CEP112: variants seen among roughly 807,000 people sequenced by gnomAD.
CEP112 encodes the protein centrosomal protein of 112 kDa.
In CEP112, 127 loss-of-function variants were observed where a neutral mutation model predicts 153.0. The observed-to-expected ratio is 0.83, with a 90% CI of 0.72 to 0.96. CEP112 has a LOEUF of 0.96. Among genes scored for constraint, CEP112 ranks in the 40% least tolerant of loss-of-function variants. The pLI is 0.00. For missense variants in CEP112, 1,089 were observed against 1,101.2 expected (o/e 0.99, Z 0.16); for synonymous variants, 358 against 374.4 (o/e 0.96, Z 0.51).
chr17:66,080,214 G>A (rs2067662886), intron 8 of CEP112, among the ~76,000 whole-genome samples: 1 of 152,070 alleles, frequency 6.6e-6, no homozygotes, highest in Non-Finnish European at 1.5e-5. Flanking sequence ...TCATCGGAGT[G>A]AACAGGCAAC....
intron 8 of CEP112, among the ~76,000 whole-genome samples, chr17:66,084,601 C>A (rs1415865748): frequency 6.6e-6 from 1 of 151,600 alleles, no homozygotes. Flanking sequence ...TTTGTGGGAG[C>A]TAAAAATTAA....
intron 1 of CEP112, among the ~76,000 whole-genome samples, chr17:66,189,631 A>G (rs2073087970): frequency 1.3e-5 from 2 of 152,240 alleles, no homozygotes; most frequent in Non-Finnish European, 2.9e-5. Flanking sequence ...AAAACTAAAA[A>G]TCTGCTTCTT....
chr17:65,658,138 C>A (rs1053044000), intron 24 of CEP112, among the ~76,000 whole-genome samples: 1 of 152,230 alleles, frequency 6.6e-6, no homozygotes, highest in African/African-American at 2.4e-5. Context: ...ATTATCTACT[C>A]ACTCCATAGA....
At chr17:66,085,125 A>G (rs1212482884) in intron 8 of CEP112, among the ~76,000 whole-genome samples, 1 of 152,218 alleles carries the variant, frequency 6.6e-6, no homozygotes, top group African/African-American at 2.4e-5. Context: ...ATGGAAAAAG[A>G]GGCATTCTCT....
At chr17:65,680,926 G>T (rs1227304304) in intron 24 of CEP112, among the ~76,000 whole-genome samples, 2 of 152,090 alleles carry the variant, frequency 1.3e-5, no homozygotes, top group East Asian at 3.9e-4. Flanking sequence ...AACAGCATGG[G>T]GGAAACTGCC....
intron 17 of CEP112, among the ~76,000 whole-genome samples, chr17:65,978,985 A>G (rs931882870): frequency 1.3e-5 from 2 of 152,154 alleles, no homozygotes; most frequent in African/African-American, 4.8e-5. Context: ...GTAACCACAC[A>G]TTGCTCTCTT....
At chr17:65,836,959 C>T (rs537513122) in intron 21 of CEP112, among the ~76,000 whole-genome samples, 2 of 152,204 alleles carry the variant, frequency 1.3e-5, no homozygotes, top group Admixed American at 6.5e-5. Flanking sequence ...CGCGCCGCCA[C>T]GCCTGACTGG....
intron 18 of CEP112, among the ~76,000 whole-genome samples, chr17:65,929,666 C>T (rs1234727206): frequency 6.6e-6 from 1 of 152,136 alleles, no homozygotes; most frequent in Non-Finnish European, 1.5e-5. Flanking sequence ...AGTGTAATGT[C>T]ACCCCATGTT....
At chr17:66,096,563 G>C (rs780992156) in intron 7 of CEP112, 22 bp downstream of exon 7, 4 of 1,543,808 alleles carry the variant, frequency 2.6e-6, no homozygotes, top group Non-Finnish European at 3.6e-6. Flanking sequence ...CCTAGAAAAA[G>C]TCCAATGGAT....
intron 17 of CEP112, among the ~76,000 whole-genome samples, chr17:65,986,213 A>G (rs927416108): frequency 6.6e-6 from 1 of 152,164 alleles, no homozygotes; most frequent in African/African-American, 2.4e-5. Context: ...AATAACTCAG[A>G]TAAACAGAAA....
At chr17:65,831,215 T>A (rs1432820900) in intron 21 of CEP112, among the ~76,000 whole-genome samples, 1 of 152,192 alleles carries the variant, frequency 6.6e-6, no homozygotes, top group Non-Finnish European at 1.5e-5. Context: ...TCAGAAGAGC[T>A]GACAAACTGT....
chr17:65,728,112 T>C (rs2050285574), intron 23 of CEP112, among the ~76,000 whole-genome samples: 1 of 152,228 alleles, frequency 6.6e-6, no homozygotes, highest in South Asian at 2.1e-4. Flanking sequence ...AAAAGCTAAA[T>C]AGCTTCAACT....
At position 66,096,578 on chromosome 17, in the gene CEP112, C is replaced by T. The variant is rs553241147; in HGVS notation, c.690+7G>A. On this transcript the variant is annotated splice_region_variant and intron_variant, in intron 7 of 26. Coordinates refer to ENST00000535342, the MANE Select transcript of CEP112 (RefSeq NM_001199165.4). ...CCTAGAAAAAGTCCAATGGATTTCT[C>T]ACATACCAGAGAAACTGGGATAGGC... is the stretch of plus-strand genomic sequence containing the variant. 2.5e-5 allele frequency: 39 copies of T among 1,583,092 alleles called. No homozygotes were observed. In the East Asian group the frequency reaches 8.7e-4, roughly 35 times the overall value.
intron 12 of CEP112, among the ~76,000 whole-genome samples, chr17:66,042,501 A>C (rs1308229388): frequency 6.6e-6 from 1 of 152,152 alleles, no homozygotes; most frequent in Non-Finnish European, 1.5e-5. Flanking sequence ...TGGGCATTTT[A>C]CAATATGCCT....
intron 12 of CEP112, among the ~76,000 whole-genome samples, chr17:66,048,115 T>G (rs2066288282): frequency 6.6e-6 from 1 of 152,176 alleles, no homozygotes; most frequent in Non-Finnish European, 1.5e-5. Flanking sequence ...TTTTTTTATT[T>G]TTTTGAATAT....
chr17:65,974,465 A>AT (rs1233888888), intron 17 of CEP112, among the ~76,000 whole-genome samples: 1 of 152,148 alleles, frequency 6.6e-6, no homozygotes. Flanking sequence ...TAACAATACT[A>AT]TATACATGTC....
At chr17:65,999,531 A>C (rs1411108586) in intron 17 of CEP112, among the ~76,000 whole-genome samples, 1 of 150,572 alleles carries the variant, frequency 6.6e-6, no homozygotes, top group Non-Finnish European at 1.5e-5. Flanking sequence ...TCCTATATTT[A>C]CTCATTATTT....
chr17:66,059,980 T>A (rs1223331293), intron 11 of CEP112, among the ~76,000 whole-genome samples: 1 of 151,782 alleles, frequency 6.6e-6, no homozygotes, highest in African/African-American at 2.4e-5. Flanking sequence ...AAAAATGAAA[T>A]CATGTCCTTC....
intron 24 of CEP112, among the ~76,000 whole-genome samples, chr17:65,659,011 G>GTC (rs1261568319): frequency 2.2e-5 from 1 of 46,230 alleles, no homozygotes; most frequent in Non-Finnish European, 3.7e-5. Context: ...GCGAGACTCT[G>GTC]TCTCAAAAAA....
Sources: gnomAD v4.1 joint callset for allele counts (sites outside exome capture counted in the v4.1 genomes callset) on GRCh38, gnomAD v4.1.1 for gene constraint, MANE v1.5 for transcripts, NCBI Gene and HGNC (gene_info 2026-07-23, HGNC 2026-07-21) for gene names.